The following RIMKLB variants were observed in gnomAD, a reference collection of about 807,000 sequenced individuals.
RIMKLB encodes ribosomal modification protein rimK like family member B, also known as beta-citrylglutamate synthase B.
Under a neutral mutation model 32.0 loss-of-function variants are expected in RIMKLB, and 7 were observed. That is an observed-to-expected ratio of 0.22 (90% confidence interval 0.12 to 0.41). The LOEUF is 0.41. RIMKLB is among the 10% of genes least tolerant of loss of function. The pLI is 1.00. For synonymous variants in RIMKLB, 172 were observed against 185.1 expected (o/e 0.93, Z 0.57); for missense variants, 289 against 498.7 (o/e 0.58, Z 4.00).
chr12:8,683,604 A>G (rs957957622), intron 1 of RIMKLB, among the ~76,000 whole-genome samples: 3 of 152,100 alleles, frequency 2.0e-5, no homozygotes, highest in Non-Finnish European at 4.4e-5. Context: ...TTTAGGTTAA[A>G]TTGTTGTTTT....
chr12:8,680,201 G>T (rs371290349), upstream of RIMKLB, among the ~76,000 whole-genome samples: 1 of 152,044 alleles, frequency 6.6e-6, no homozygotes, highest in South Asian at 2.1e-4. Context: ...TGATGCCCAC[G>T]CTGGAGCGCA....
At chr12:8,699,610 A>G (rs1056103889) in intron 1 of RIMKLB, among the ~76,000 whole-genome samples, 1 of 151,806 alleles carries the variant, frequency 6.6e-6, no homozygotes, top group Admixed American at 6.6e-5. Flanking sequence ...AAAGGGGAGG[A>G]GGCCTATTTT....
At chr12:8,740,808 C>G (rs1258956252) in intron 2 of RIMKLB, among the ~76,000 whole-genome samples, 1 of 152,222 alleles carries the variant, frequency 6.6e-6, no homozygotes, top group African/African-American at 2.4e-5. Flanking sequence ...TGTGTTAGCT[C>G]ATGCCCATAA....
intron 1 of RIMKLB, among the ~76,000 whole-genome samples, chr12:8,683,677 G>T (rs1351246945): frequency 6.6e-6 from 1 of 152,050 alleles, no homozygotes; most frequent in Non-Finnish European, 1.5e-5. Context: ...GCAAATATTT[G>T]TTCCCGGTCT....
chr12:8,718,216 TTTG>T (rs1193986129), intron 2 of RIMKLB, among the ~76,000 whole-genome samples: 2 of 152,292 alleles, frequency 1.3e-5, no homozygotes, highest in African/African-American at 2.4e-5. Flanking sequence ...CTAGCAGGTT[TTTG>T]TTGTTGTTGT....
intron 1 of RIMKLB, among the ~76,000 whole-genome samples, chr12:8,704,999 C>CACACACACACAAAAAAAAA (rs35908223): frequency 1.3e-5 from 2 of 151,538 alleles, no homozygotes; most frequent in African/African-American, 4.9e-5. Flanking sequence ...CACACACACA[C>CACACACACACAAAAAAAAA]AAAACCCCAA....
chr12:8,755,140 C>T (rs753549143), intron 5 of RIMKLB, among the ~76,000 whole-genome samples: 11 of 152,060 alleles, frequency 7.2e-5, no homozygotes, highest in South Asian at 2.1e-4. Context: ...TTAGTAAAGA[C>T]GGAGTTTCAC....
intron 2 of RIMKLB, among the ~76,000 whole-genome samples, chr12:8,720,545 C>T (rs753780739): frequency 2.0e-5 from 3 of 152,010 alleles, no homozygotes; most frequent in South Asian, 4.2e-4. Flanking sequence ...CATTATCCCT[C>T]GTGTGTGTGT....
chr12:8,744,630 TTAA>T (rs1947905438), intron 2 of RIMKLB, among the ~76,000 whole-genome samples: 1 of 151,722 alleles, frequency 6.6e-6, no homozygotes, highest in African/African-American at 2.4e-5. Flanking sequence ...ATAATACTAT[TTAA>T]TAATTATAGA....
chr12:8,680,623 C>A (rs758770868), upstream of RIMKLB, among the ~76,000 whole-genome samples: 17 of 152,194 alleles, frequency 1.1e-4, no homozygotes, highest in Non-Finnish European at 1.5e-4. Context: ...TTCTTTCTTG[C>A]GCGAGATCCA....
In RIMKLB at chr12:8,774,772, T is replaced by C. The variant is rs1206138333; in HGVS notation, c.*988T>C. The C allele has an allele frequency of 4.1e-6, 4 of 985,600 alleles. No homozygotes were observed. The highest frequency in any genetic ancestry group is 2.4e-6 in the Non-Finnish European group (2 of 829,900). The allele number at this position is 985,600 out of a possible 1,614,324, so 61.1% of individuals were successfully genotyped here. On this transcript the variant is annotated 3_prime_UTR_variant, in exon 6 of 6. Coordinates refer to ENST00000535829, the MANE Select transcript of RIMKLB (RefSeq NM_001297776.2). ...TAAATAAGGACAAGGAAAAATATTT[T>C]TGGGGGCAAATCAAGAGCCTATGAG...
chr12:8,758,774 C>T (rs377509478), intron 5 of RIMKLB, among the ~76,000 whole-genome samples: 2 of 152,156 alleles, frequency 1.3e-5, no homozygotes, highest in East Asian at 3.9e-4. Context: ...CTGAACACTA[C>T]TTATTGAATA....
chr12:8,730,841 G>A (rs1292950742), intron 2 of RIMKLB, among the ~76,000 whole-genome samples: 1 of 151,924 alleles, frequency 6.6e-6, no homozygotes, highest in Non-Finnish European at 1.5e-5. Context: ...CCAGGTTCCA[G>A]AGATTCTCCT....
At chr12:8,765,085 G>A (rs1203628856) in intron 5 of RIMKLB, among the ~76,000 whole-genome samples, 1 of 151,736 alleles carries the variant, frequency 6.6e-6, no homozygotes, top group African/African-American at 2.4e-5. Flanking sequence ...GTCTGCAGCT[G>A]ACTGAGTGAT....
At chr12:8,741,210 G>T (rs1591828870) in intron 2 of RIMKLB, among the ~76,000 whole-genome samples, 1 of 145,818 alleles carries the variant, frequency 6.9e-6, no homozygotes, top group East Asian at 2.0e-4. Flanking sequence ...TGTCAAAAAA[G>T]ATTTTTTAAA....
intron 5 of RIMKLB, among the ~76,000 whole-genome samples, chr12:8,771,104 A>G (rs1950361201): frequency 6.6e-6 from 1 of 152,194 alleles, no homozygotes; most frequent in Non-Finnish European, 1.5e-5. Context: ...AAGTTTTCTG[A>G]ACCTTGCCCT....
intron 5 of RIMKLB, among the ~76,000 whole-genome samples, chr12:8,765,682 T>C (rs762893949): frequency 6.6e-5 from 10 of 152,214 alleles, no homozygotes; most frequent in African/African-American, 2.2e-4. Context: ...GGGGGCATAA[T>C]CGGGAAATAT....
chr12:8,746,052 T>TAC (rs1948057165), intron 2 of RIMKLB, among the ~76,000 whole-genome samples: 1 of 151,892 alleles, frequency 6.6e-6, no homozygotes, highest in Non-Finnish European at 1.5e-5. Flanking sequence ...TATGACTGTA[T>TAC]ACATATATGT....
chr12:8,696,214 AGT>A (rs1263781068), upstream of RIMKLB, among the ~76,000 whole-genome samples: 1 of 152,082 alleles, frequency 6.6e-6, no homozygotes, highest in Non-Finnish European at 1.5e-5. Context: ...TCAGATTTTC[AGT>A]GTTAGTATCT....
Sources: allele counts gnomAD v4.1 joint callset (sites outside exome capture counted in the v4.1 genomes callset), GRCh38; gene constraint gnomAD v4.1.1; transcripts MANE v1.5; gene names NCBI Gene and HGNC (gene_info 2026-07-23, HGNC 2026-07-21).